The following CELF4 variants were observed in gnomAD, a reference collection of about 807,000 sequenced individuals.
CELF4 encodes CUG-BP- and ETR-3-like factor 4.
Under a neutral mutation model 59.9 loss-of-function variants are expected in CELF4, and 18 were observed. The observed-to-expected ratio is 0.30, with a 90% CI of 0.21 to 0.45. The LOEUF is 0.45. Ranked by LOEUF, CELF4 falls within the 20% of genes least tolerant of loss-of-function variation. The pLI, the probability that CELF4 is intolerant of heterozygous loss-of-function variation, is 1.00. For missense variants in CELF4, 456 were observed against 689.0 expected (o/e 0.66, Z 3.79); for synonymous variants, 261 against 267.1 (o/e 0.98, Z 0.22).
intron 1 of CELF4, among the ~76,000 whole-genome samples, chr18:37,525,240 C>G (rs12607040): frequency 0.075 from 11,408 of 152,274 alleles, 637 homozygotes; most frequent in East Asian, 0.28. Context: ...CCTGCCCTTT[C>G]ACACCTGTCT....
At chr18:37,362,632 TG>T (rs138536009) in intron 2 of CELF4, among the ~76,000 whole-genome samples, 22,995 of 151,772 alleles carry the variant, frequency 0.15, 2,254 homozygotes, top group Non-Finnish European at 0.2. Flanking sequence ...GACTTCTCCA[TG>T]GGTACCCTAG....
intron 2 of CELF4, among the ~76,000 whole-genome samples, chr18:37,473,072 G>A (rs2099838458): frequency 6.6e-6 from 1 of 152,138 alleles, no homozygotes; most frequent in Admixed American, 6.5e-5. Flanking sequence ...GCCACTGGCA[G>A]AGGCTATGAG....
In CELF4 at chr18:37,253,977, G is replaced by C; in HGVS notation, c.1334-39C>G. On this transcript the variant is annotated intron_variant, in intron 11 of 12. Coordinates refer to ENST00000420428, the MANE Select transcript of CELF4 (RefSeq NM_020180.4). The surrounding 1 kb of genome is among the most constrained non-coding windows in gnomAD (Gnocchi z 4.5). Reference sequence around the variant, plus strand: ...AGGGACGAGGGCCTGGGTTTCCACGGGGCCGCCCGGGGCGCTGCCGGCGGG... The same window carrying C: ...AGGGACGAGGGCCTGGGTTTCCACGCGGCCGCCCGGGGCGCTGCCGGCGGG... 1.9e-6 allele frequency: 3 copies of C among 1,556,188 alleles called. No homozygotes were observed.
At chr18:37,400,801 A>G (rs2099317337) in intron 2 of CELF4, among the ~76,000 whole-genome samples, 1 of 152,232 alleles carries the variant, frequency 6.6e-6, no homozygotes, top group African/African-American at 2.4e-5. Flanking sequence ...TCTTATGAGC[A>G]GATGATGTTC....
intron 3 of CELF4, among the ~76,000 whole-genome samples, chr18:37,313,825 T>C (rs1022219320): frequency 3.9e-5 from 6 of 152,098 alleles, no homozygotes; most frequent in Non-Finnish European, 7.4e-5. Flanking sequence ...GGGTTTATGG[T>C]GGGGAACGTG....
intron 1 of CELF4, among the ~76,000 whole-genome samples, chr18:37,554,282 C>T (rs545851342): frequency 3.3e-5 from 5 of 151,782 alleles, no homozygotes; most frequent in Admixed American, 1.3e-4. Flanking sequence ...CCGCAGGGCT[C>T]TTTGTCCCGC....
intron 2 of CELF4, among the ~76,000 whole-genome samples, chr18:37,331,354 T>C (rs2097536009): frequency 6.6e-6 from 1 of 152,216 alleles, no homozygotes; most frequent in African/African-American, 2.4e-5. Flanking sequence ...CCTTCTGTGA[T>C]TGGGTCCACC....
chr18:37,360,311 G>A (rs1454147729), intron 2 of CELF4, among the ~76,000 whole-genome samples: 3 of 152,142 alleles, frequency 2.0e-5, no homozygotes, highest in Non-Finnish European at 4.4e-5. Context: ...CTCTGGGCAA[G>A]CACCACTTTA....
At chr18:37,466,306 A>G (rs534165417) in intron 2 of CELF4, among the ~76,000 whole-genome samples, 1 of 151,730 alleles carries the variant, frequency 6.6e-6, no homozygotes, top group African/African-American at 2.4e-5. Context: ...AGAGTTTGGG[A>G]GAAGTGAGGG....
intron 3 of CELF4, among the ~76,000 whole-genome samples, chr18:37,296,079 C>T (rs560814287): frequency 2.2e-4 from 33 of 152,336 alleles, no homozygotes; most frequent in African/African-American, 7.0e-4. Context: ...CACAAAAATC[C>T]TCATTCCAGT....
At chr18:37,523,526 G>C (rs1307777479) in intron 1 of CELF4, among the ~76,000 whole-genome samples, 2 of 152,186 alleles carry the variant, frequency 1.3e-5, no homozygotes, top group East Asian at 1.9e-4. Context: ...GGCTTGCTGG[G>C]GGAGTATCAC....
intron 2 of CELF4, among the ~76,000 whole-genome samples, chr18:37,335,881 G>A (rs1019015867): frequency 1.1e-4 from 17 of 152,218 alleles, no homozygotes; most frequent in Admixed American, 7.2e-4. Flanking sequence ...ATGGCCTCCA[G>A]CCCAAGGCCT....
At chr18:37,470,481 TG>T (rs2099818277) in intron 2 of CELF4, among the ~76,000 whole-genome samples, 1 of 152,210 alleles carries the variant, frequency 6.6e-6, no homozygotes, top group African/African-American at 2.4e-5. Context: ...TAGGTTTACT[TG>T]GTCATCAATC....
At chr18:37,388,312 C>A (rs555314141) in intron 2 of CELF4, among the ~76,000 whole-genome samples, 21 of 152,216 alleles carry the variant, frequency 1.4e-4, no homozygotes, top group African/African-American at 4.3e-4. Context: ...CCCAAACAGG[C>A]CACCTGTGGC....
intron 11 of CELF4, among the ~76,000 whole-genome samples, chr18:37,258,859 A>G (rs1452602422): frequency 1.3e-5 from 2 of 152,032 alleles, no homozygotes; most frequent in Non-Finnish European, 2.9e-5. Context: ...CCTTCTCAGT[A>G]GGTTGGAATT....
rs573040588 is a variant in CELF4 at position 37,293,970 on chromosome 18, C to T, written c.449-18727G>A. Among the ~76,000 whole-genome samples, 3 of 152,272 alleles carry T rather than the reference C, an allele frequency of 2.0e-5. No individual in the cohort carries two copies. In the South Asian group the frequency reaches 6.2e-4, roughly 32 times the overall value. On this transcript the variant is annotated intron_variant, in intron 3 of 12. Coordinates refer to ENST00000420428, the MANE Select transcript of CELF4 (RefSeq NM_020180.4). Reference sequence around the variant, plus strand: ...CCAACTAGCAAACCAAATAGCCAACCACCTGACCCACCAACCACCTGACTG... The same window carrying T: ...CCAACTAGCAAACCAAATAGCCAACTACCTGACCCACCAACCACCTGACTG...
chr18:37,325,509 T>C (rs1012188035), intron 2 of CELF4, among the ~76,000 whole-genome samples: 6 of 152,210 alleles, frequency 3.9e-5, no homozygotes, highest in African/African-American at 1.4e-4. Flanking sequence ...CAGCCCACTG[T>C]CCTTGGCATC....
intron 1 of CELF4, among the ~76,000 whole-genome samples, chr18:37,510,513 C>G (rs1450760689): frequency 5.9e-5 from 9 of 152,248 alleles, no homozygotes; most frequent in African/African-American, 1.2e-4. Flanking sequence ...TAGAGGCAAC[C>G]CTGTGCAATC....
intron 2 of CELF4, among the ~76,000 whole-genome samples, chr18:37,380,239 C>A (rs771170424): frequency 6.6e-6 from 1 of 152,172 alleles, no homozygotes; most frequent in Non-Finnish European, 1.5e-5. Context: ...TTGACAAGCA[C>A]CACTCCCCCA....
Sources: gnomAD v4.1 joint callset for allele counts (sites outside exome capture counted in the v4.1 genomes callset) on GRCh38, gnomAD v4.1.1 for gene constraint, Gnocchi (gnomAD v3.1) non-coding constraint, MANE v1.5 for transcripts, NCBI Gene and HGNC (gene_info 2026-07-23, HGNC 2026-07-21) for gene names.